The following CADM2 variants were observed in gnomAD, a reference collection of about 807,000 sequenced individuals.
CADM2 encodes cell adhesion molecule 2.
A neutral mutation model predicts 49.8 loss-of-function variants in CADM2; 12 were observed. That is an observed-to-expected ratio of 0.24 (90% CI 0.15 to 0.39). The LOEUF is 0.39. Among genes scored for constraint, CADM2 ranks in the 10% least tolerant of loss-of-function variants. The pLI, the probability that CADM2 is intolerant of heterozygous loss-of-function variation, is 1.00. For synonymous variants in CADM2, 214 were observed against 175.4 expected (o/e 1.22, Z -1.74); for missense variants, 378 against 492.3 (o/e 0.77, Z 2.20).
In CADM2 at chr3:85,577,858, T is replaced by A. The variant is rs145056046; in HGVS notation, c.62-148664T>A. 8.7e-4 allele frequency among the ~76,000 whole-genome samples: 132 copies of A among 152,200 alleles called. 1 individual carries two copies. Among genetic ancestry groups the A allele is most frequent in the African/African-American group, 3.1e-3 (128 of 41,568 alleles). Reference sequence around the variant, plus strand: ...ACATCAGACAAATGGAGAACAAGTATAAGAAAACAATGTATATTCTGTTTA... The same window carrying A: ...ACATCAGACAAATGGAGAACAAGTAAAAGAAAACAATGTATATTCTGTTTA... On this transcript the variant is annotated intron_variant, in intron 1 of 9. Coordinates refer to ENST00000383699, the MANE Select transcript of CADM2 (RefSeq NM_001167675.2).
intron 1 of CADM2, among the ~76,000 whole-genome samples, chr3:85,476,173 T>G (rs12637791): frequency 0.61 from 92,606 of 151,634 alleles, 29,272 homozygotes; most frequent in East Asian, 0.92. Flanking sequence ...AAAATAAATT[T>G]CATCTATTGG....
intron 1 of CADM2, among the ~76,000 whole-genome samples, chr3:85,263,794 A>G (rs967457779): frequency 1.6e-4 from 24 of 152,256 alleles, no homozygotes; most frequent in Admixed American, 3.9e-4. Flanking sequence ...GGAAAACATC[A>G]GAGACATTTT....
rs187611571 is a variant in CADM2, at chr3:85,210,980, G to C, written c.61+251312G>C. On this transcript the variant is annotated intron_variant, in intron 1 of 9. Transcript: ENST00000383699. ...CATTACTTGTCATTTGTCTTTTCAA[G>C]TTGTGAATTTCTTCATGGTTCAATC... 4.4e-3 allele frequency among the ~76,000 whole-genome samples: 666 copies of C among 152,256 alleles called. 4 individuals are homozygous for C. Among genetic ancestry groups the C allele is most frequent in the Middle Eastern group, 0.017 (5 of 294 alleles).
At chr3:85,968,677 C>A (rs1415607487) in intron 8 of CADM2, among the ~76,000 whole-genome samples, 1 of 151,560 alleles carries the variant, frequency 6.6e-6, no homozygotes, top group Non-Finnish European at 1.5e-5. Context: ...CTGTGGCACT[C>A]GGTCCTTCTA....
intron 1 of CADM2, among the ~76,000 whole-genome samples, chr3:85,113,144 C>A (rs754420615): frequency 6.6e-6 from 1 of 152,018 alleles, no homozygotes; most frequent in African/African-American, 2.4e-5. Context: ...CTAGATAAAG[C>A]TATGAGTTTG....
intron 1 of CADM2, among the ~76,000 whole-genome samples, chr3:85,569,944 G>A (rs1214783599): frequency 6.6e-6 from 1 of 151,982 alleles, no homozygotes; most frequent in Non-Finnish European, 1.5e-5. Context: ...AAATTCCATG[G>A]ACATTTCCTT....
chr3:85,057,163 T>C (rs2036111817), intron 1 of CADM2, among the ~76,000 whole-genome samples: 1 of 152,162 alleles, frequency 6.6e-6, no homozygotes, highest in African/African-American at 2.4e-5. Context: ...AGTACACTTA[T>C]TATGCACAAA....
At chr3:85,555,346 G>A (rs1364028207) in intron 1 of CADM2, among the ~76,000 whole-genome samples, 2 of 152,108 alleles carry the variant, frequency 1.3e-5, no homozygotes, top group Admixed American at 6.5e-5. Flanking sequence ...ACAATGCAAA[G>A]TAACTGTTTT....
chr3:85,700,224 C>T (rs2066710142), intron 1 of CADM2, among the ~76,000 whole-genome samples: 1 of 152,132 alleles, frequency 6.6e-6, no homozygotes, highest in Admixed American at 6.5e-5. Context: ...TCTCAGCAAA[C>T]TATCGCAAAA....
intron 2 of CADM2, among the ~76,000 whole-genome samples, chr3:85,729,186 A>G (rs1220516208): frequency 1.3e-5 from 2 of 152,018 alleles, no homozygotes; most frequent in African/African-American, 4.8e-5. Context: ...GGCACTGTAC[A>G]TACTTCATTT....
intron 3 of CADM2, among the ~76,000 whole-genome samples, chr3:85,850,172 T>C (rs1052314680): frequency 6.6e-6 from 1 of 152,110 alleles, no homozygotes; most frequent in African/African-American, 2.4e-5. Context: ...GTCCAGCGGC[T>C]CTATCTGCCT....
At chr3:85,571,553 A>C (rs1422608962) in intron 1 of CADM2, among the ~76,000 whole-genome samples, 2 of 152,182 alleles carry the variant, frequency 1.3e-5, no homozygotes, top group Non-Finnish European at 2.9e-5. Flanking sequence ...TTGGTCACTT[A>C]AAATAGTTAA....
intron 2 of CADM2, among the ~76,000 whole-genome samples, chr3:85,767,966 ATAG>A (rs1243476313): frequency 1.3e-5 from 2 of 152,110 alleles, no homozygotes; most frequent in Admixed American, 1.3e-4. Context: ...TACAACAAAG[ATAG>A]TAAATTATCA....
intron 3 of CADM2, among the ~76,000 whole-genome samples, chr3:85,881,197 A>G (rs894096087): frequency 6.6e-6 from 1 of 152,060 alleles, no homozygotes; most frequent in African/African-American, 2.4e-5. Flanking sequence ...GAGAAAATCC[A>G]ATTAGTTTTT....
At chr3:85,715,018 A>G (rs2067241693) in intron 1 of CADM2, among the ~76,000 whole-genome samples, 2 of 152,168 alleles carry the variant, frequency 1.3e-5, no homozygotes. Flanking sequence ...CAGTGGTATA[A>G]TATACATTTA....
intron 1 of CADM2, among the ~76,000 whole-genome samples, chr3:85,119,104 C>A (rs1031616149): frequency 6.6e-6 from 1 of 152,064 alleles, no homozygotes; most frequent in Admixed American, 6.6e-5. Context: ...TAGATATATA[C>A]AATGTTCTAG....
At chr3:84,974,707 G>T (rs1035860257) in intron 1 of CADM2, among the ~76,000 whole-genome samples, 1 of 151,822 alleles carries the variant, frequency 6.6e-6, no homozygotes, top group South Asian at 2.1e-4. Flanking sequence ...TTGTATCATT[G>T]TTTTCAGCAG....
chr3:85,508,551 A>G (rs2040460132), intron 1 of CADM2, among the ~76,000 whole-genome samples: 1 of 152,204 alleles, frequency 6.6e-6, no homozygotes, highest in South Asian at 2.1e-4. Flanking sequence ...AAAGTGAGAA[A>G]GAATGGGTTC....
intron 1 of CADM2, among the ~76,000 whole-genome samples, chr3:85,087,503 G>A (rs1054646049): frequency 3.9e-5 from 6 of 152,054 alleles, no homozygotes; most frequent in African/African-American, 9.7e-5. Context: ...GTAAATTATG[G>A]AGTTGTAATG....
Sources: gnomAD v4.1 joint callset for allele counts (sites outside exome capture counted in the v4.1 genomes callset) on GRCh38, gnomAD v4.1.1 for gene constraint, MANE v1.5 for transcripts, NCBI Gene and HGNC (gene_info 2026-07-23, HGNC 2026-07-21) for gene names.